Variants in SPMIP7 observed in about 807,000 individuals in gnomAD.
SPMIP7 encodes protein SPMIP7.
chr7:50,155,001 T>C, the SPMIP7 span, among the ~76,000 whole-genome samples: 1 of 152,232 alleles, frequency 6.6e-6, no homozygotes, highest in African/African-American at 2.4e-5. Flanking sequence ...GGGACATGCC[T>C]GTTCAGGTCC....
chr7:50,096,149 G>A, the SPMIP7 span: 1 of 1,548,536 alleles, frequency 6.5e-7, no homozygotes, highest in African/African-American at 1.4e-5. Context: ...CATCCTTTCA[G>A]GAACTGTTGA....
the SPMIP7 span, among the ~76,000 whole-genome samples, chr7:50,125,366 A>G: frequency 3.6e-4 from 39 of 108,930 alleles, no homozygotes; most frequent in South Asian, 5.8e-3. Context: ...ATATATACAC[A>G]TATATATACA....
chr7:50,104,338 C>G, the SPMIP7 span: 1 of 1,537,022 alleles, frequency 6.5e-7, no homozygotes, highest in East Asian at 2.5e-5. Flanking sequence ...CTGAAAGTTA[C>G]TCCCTTACAA....
the SPMIP7 span, chr7:50,104,255 A>G: frequency 1.3e-6 from 1 of 785,920 alleles, no homozygotes; most frequent in Non-Finnish European, 2.0e-6. Flanking sequence ...ATTTCTGTTG[A>G]AAAAGAACTT....
the SPMIP7 span, chr7:50,129,868 C>T: frequency 4.5e-6 from 4 of 880,408 alleles, no homozygotes; most frequent in Non-Finnish European, 3.6e-6. Flanking sequence ...CTCTTTATGT[C>T]TATAATATCC....
the SPMIP7 span, among the ~76,000 whole-genome samples, chr7:50,125,229 C>T: frequency 9.9e-4 from 28 of 28,146 alleles, no homozygotes; most frequent in Middle Eastern, 0.026. Flanking sequence ...CATATATACA[C>T]ATATATATAC....
the SPMIP7 span, among the ~76,000 whole-genome samples, chr7:50,100,471 A>G: frequency 1.1e-4 from 17 of 151,966 alleles, no homozygotes; most frequent in African/African-American, 4.1e-4. Flanking sequence ...AGAGTTTCCT[A>G]CTCTGCCATC....
the SPMIP7 span, among the ~76,000 whole-genome samples, chr7:50,100,306 G>C: frequency 6.6e-6 from 1 of 152,192 alleles, no homozygotes; most frequent in Non-Finnish European, 1.5e-5. Flanking sequence ...TCTGCAAGAG[G>C]GTGACTAACT....
At chr7:50,122,887 G>A in the SPMIP7 span, among the ~76,000 whole-genome samples, 1 of 152,056 alleles carries the variant, frequency 6.6e-6, no homozygotes, top group South Asian at 2.1e-4. Context: ...ACACTAGTTA[G>A]AATGGCAATC....
chr7:50,124,196 C>T, the SPMIP7 span, among the ~76,000 whole-genome samples: 1 of 152,028 alleles, frequency 6.6e-6, no homozygotes, highest in East Asian at 1.9e-4. Flanking sequence ...ACCTAACAAT[C>T]ATAAATGTAT....
chr7:50,135,311 C>G, the SPMIP7 span, among the ~76,000 whole-genome samples: 1 of 152,144 alleles, frequency 6.6e-6, no homozygotes, highest in Non-Finnish European at 1.5e-5. Context: ...AGCCCTTGGG[C>G]TTTTCCCATA....
the SPMIP7 span, chr7:50,159,225 C>T: frequency 3.3e-6 from 5 of 1,530,812 alleles, no homozygotes; most frequent in East Asian, 2.5e-5. Context: ...GCTTGTGCGG[C>T]GGTGGGAAAT....
chr7:50,135,922 C>A, the SPMIP7 span, among the ~76,000 whole-genome samples: 1 of 152,174 alleles, frequency 6.6e-6, no homozygotes, highest in African/African-American at 2.4e-5. Context: ...AGATCAAAGA[C>A]CATGAGTGGC....
At chr7:50,102,089 C>T in the SPMIP7 span, among the ~76,000 whole-genome samples, 3 of 152,078 alleles carry the variant, frequency 2.0e-5, no homozygotes, top group Non-Finnish European at 2.9e-5. Flanking sequence ...TTTGGGAGGC[C>T]GAGGCAGGCG....
chr7:50,125,267 TATATATACAC>T, the SPMIP7 span, among the ~76,000 whole-genome samples: 5 of 90,778 alleles, frequency 5.5e-5, no homozygotes, highest in African/African-American at 1.6e-4. Flanking sequence ...TATACACACA[TATATATACAC>T]ATATATACAC....
the SPMIP7 span, among the ~76,000 whole-genome samples, chr7:50,130,712 G>A: frequency 1.7e-3 from 256 of 152,182 alleles, 2 homozygotes; most frequent in South Asian, 0.017. Context: ...AGTAGGAGGT[G>A]TGGGGAGGCC....
At chr7:50,141,269 C>G in the SPMIP7 span, 3 of 1,502,590 alleles carry the variant, frequency 2.0e-6, no homozygotes, top group African/African-American at 1.4e-5. Flanking sequence ...TCTTTCCTTT[C>G]CATTCTAACA....
the SPMIP7 span, among the ~76,000 whole-genome samples, chr7:50,155,848 A>C: frequency 1.3e-5 from 2 of 152,252 alleles, no homozygotes; most frequent in Non-Finnish European, 1.5e-5. Flanking sequence ...ATACACACAT[A>C]CTGCACATAC....
chr7:50,141,788 G>A, the SPMIP7 span: 2 of 153,206 alleles, frequency 1.3e-5, no homozygotes, highest in Admixed American at 6.7e-5. Context: ...GGAGTGCGGT[G>A]GTGCAATCTC....
Sources: allele counts gnomAD v4.1 joint callset (sites outside exome capture counted in the v4.1 genomes callset), GRCh38; gene constraint gnomAD v4.1.1; transcripts MANE v1.5; gene names NCBI Gene and HGNC (gene_info 2026-07-23, HGNC 2026-07-21).